GRID1: variants seen among roughly 807,000 people sequenced by gnomAD.
GRID1 encodes glutamate ionotropic receptor delta type subunit 1, also known as glutamate receptor ionotropic, delta-1.
In GRID1, 28 loss-of-function variants were observed where a neutral mutation model predicts 98.0. The ratio of observed to expected loss-of-function variants is 0.29; its 90% CI spans 0.21 to 0.39. The LOEUF (loss-of-function observed/expected upper bound fraction) is 0.39. Ranked by LOEUF, GRID1 falls within the 10% of genes least tolerant of loss-of-function variation. The pLI, the probability that GRID1 is intolerant of heterozygous loss-of-function variation, is 1.00. For synonymous variants in GRID1, 553 were observed against 538.5 expected (o/e 1.03, Z -0.37); for missense variants, 1,111 against 1,340.5 (o/e 0.83, Z 2.67).
intron 2 of GRID1, among the ~76,000 whole-genome samples, chr10:86,208,673 C>T (rs563293133): frequency 6.6e-6 from 1 of 152,312 alleles, no homozygotes; most frequent in South Asian, 2.1e-4. Flanking sequence ...CCACATGTTG[C>T]CTGTGTTACT....
intron 13 of GRID1, among the ~76,000 whole-genome samples, chr10:85,630,520 C>G (rs1399184216): frequency 3.3e-5 from 5 of 152,220 alleles, no homozygotes; most frequent in African/African-American, 1.2e-4. Flanking sequence ...AACCATCAGC[C>G]TAGTAAATTA....
chr10:86,188,180 A>AAAGAT (rs1307344858), intron 3 of GRID1, among the ~76,000 whole-genome samples: 1 of 152,222 alleles, frequency 6.6e-6, no homozygotes, highest in Non-Finnish European at 1.5e-5. Context: ...GCACAGATGG[A>AAAGAT]AAGATAAGTT....
intron 8 of GRID1, among the ~76,000 whole-genome samples, chr10:85,799,699 A>G (rs553984078): frequency 1.3e-5 from 2 of 152,204 alleles, no homozygotes; most frequent in East Asian, 3.9e-4. Context: ...AATAGTGGTT[A>G]CCAAAGTTGG....
chr10:86,366,382 A>G lies in GRID1; in HGVS notation c.11T>C (p.Leu4Pro). The G allele has an allele frequency of 1.3e-6, 2 of 1,509,096 alleles. No individual in the cohort carries two copies. The highest frequency in any genetic ancestry group is 1.2e-5 in the South Asian group (1 of 81,022). 93.5% of individuals were successfully genotyped at this position (1,509,096 alleles called of 1,614,324 possible). A position where few individuals can be genotyped will look rare whatever the true frequency, so the allele number is the denominator to read the frequency against. Residue 4 changes from leucine (L) to proline (P), a missense_variant, in exon 1 of 16, where the codon CTG becomes CCG. Leu to Pro is a moderately conservative substitution (Grantham distance 98). Transcript: ENST00000327946. The surrounding 1 kb of genome is among the most constrained non-coding windows in gnomAD (Gnocchi z 4.1). MEA[L>P]TLWLLPWICQ... The stretch of plus-strand genomic sequence containing the variant: ...TATCCAGGGGAGAAGCCACAGCGTC[A>G]GCGCTTCCATGTCCCCCGGGCGCGC...
At chr10:85,676,694 A>G (rs1283492570) in intron 12 of GRID1, among the ~76,000 whole-genome samples, 6 of 152,226 alleles carry the variant, frequency 3.9e-5, no homozygotes, top group Non-Finnish European at 8.8e-5. Flanking sequence ...GCAATGAGGC[A>G]CAGCACTGAG....
chr10:86,106,954 G>A (rs886497371), intron 4 of GRID1, among the ~76,000 whole-genome samples: 1 of 152,102 alleles, frequency 6.6e-6, no homozygotes, highest in Admixed American at 6.5e-5. Context: ...CTACGAGAGA[G>A]GACTTCTAGA....
chr10:86,106,230 A>C (rs1428194009), intron 4 of GRID1, among the ~76,000 whole-genome samples: 1 of 152,222 alleles, frequency 6.6e-6, no homozygotes, highest in East Asian at 1.9e-4. Flanking sequence ...TGAAGATTGG[A>C]AACAGTCACA....
intron 4 of GRID1, among the ~76,000 whole-genome samples, chr10:86,072,001 G>A (rs757471711): frequency 5.3e-5 from 8 of 152,164 alleles, no homozygotes; most frequent in South Asian, 2.1e-4. Context: ...GGGCTGGTGC[G>A]AGGAAGAAAC....
chr10:86,022,917 C>CA (rs34518403), intron 4 of GRID1, among the ~76,000 whole-genome samples: 12,458 of 112,552 alleles, frequency 0.11, 597 homozygotes, highest in Non-Finnish European at 0.14. Flanking sequence ...GACTCCATCT[C>CA]AAAAAAAAAA....
At chr10:85,746,246 C>A (rs2132680009) in intron 8 of GRID1, among the ~76,000 whole-genome samples, 1 of 152,234 alleles carries the variant, frequency 6.6e-6, no homozygotes, top group South Asian at 2.1e-4. Flanking sequence ...GACTTTGGGT[C>A]AATGGCCTAA....
chr10:86,356,638 G>GGAA (rs1848537596), intron 2 of GRID1, among the ~76,000 whole-genome samples: 1 of 152,246 alleles, frequency 6.6e-6, no homozygotes, highest in Non-Finnish European at 1.5e-5. Context: ...AGCAGGAGGA[G>GGAA]GAAATACTGT....
intron 2 of GRID1, among the ~76,000 whole-genome samples, chr10:86,296,458 A>T (rs1487042641): frequency 2.6e-5 from 4 of 152,170 alleles, no homozygotes; most frequent in Non-Finnish European, 2.9e-5. Flanking sequence ...GTATGATTTT[A>T]AAAAAATAGG....
At chr10:86,226,040 G>A (rs970815263) in intron 2 of GRID1, among the ~76,000 whole-genome samples, 3 of 152,074 alleles carry the variant, frequency 2.0e-5, no homozygotes, top group Admixed American at 6.5e-5. Flanking sequence ...AAGGTGACAA[G>A]ACCCTGCAGG....
chr10:85,903,873 C>CT (rs1394616820), intron 5 of GRID1, among the ~76,000 whole-genome samples: 2 of 152,214 alleles, frequency 1.3e-5, no homozygotes, highest in Non-Finnish European at 2.9e-5. Context: ...TTCCTCACTT[C>CT]TTCAAGTCCC....
In GRID1 at chr10:85,648,583, G is replaced by A. The variant is rs541347688; in HGVS notation, c.1998-1186C>T. ...GGATCTACACAACCCTCCATCTTCC[G>A]GTCTCATCTCTGGCTGTTCTCCCCA... On this transcript the variant is annotated intron_variant, in intron 12 of 15. Transcript: ENST00000327946. 7.2e-5 allele frequency among the ~76,000 whole-genome samples: 11 copies of A among 152,162 alleles called. No homozygotes were observed. In the East Asian group the frequency reaches 1.2e-3, roughly 16 times the overall value.
intron 9 of GRID1, among the ~76,000 whole-genome samples, chr10:85,729,230 C>T (rs551049547): frequency 1.9e-4 from 29 of 152,260 alleles, no homozygotes; most frequent in Admixed American, 1.8e-3. Context: ...ACAAATGGAG[C>T]AGCTTGGCCC....
chr10:85,650,954 AT>A (rs1843260502), intron 12 of GRID1, among the ~76,000 whole-genome samples: 1 of 152,170 alleles, frequency 6.6e-6, no homozygotes, highest in African/African-American at 2.4e-5. Flanking sequence ...TCAAAGTGTG[AT>A]CCTCAGAGCT....
At chr10:85,969,575 C>G (rs949393992) in intron 4 of GRID1, among the ~76,000 whole-genome samples, 1 of 151,776 alleles carries the variant, frequency 6.6e-6, no homozygotes, top group African/African-American at 2.4e-5. Flanking sequence ...GAAATTAGAC[C>G]ACAAACCCCT....
chr10:86,087,389 AGTCTGTGTGTGTGTGTCCGGGGT>A (rs1844076782), intron 4 of GRID1, among the ~76,000 whole-genome samples: 1 of 144,808 alleles, frequency 6.9e-6, no homozygotes, highest in Admixed American at 6.9e-5. Flanking sequence ...TGCATAATGG[AGTCTGTGTGTGTGTGTCCGGGGT>A]GTCTGTGTAT....
Sources: allele counts gnomAD v4.1 joint callset (sites outside exome capture counted in the v4.1 genomes callset), GRCh38; gene constraint gnomAD v4.1.1; non-coding constraint Gnocchi (gnomAD v3.1); transcripts MANE v1.5; gene names NCBI Gene and HGNC (gene_info 2026-07-23, HGNC 2026-07-21).